Variants in SPATA18 observed in about 807,000 individuals in gnomAD.
The protein encoded by SPATA18 is mitochondria-eating protein.
Under a neutral mutation model 68.1 loss-of-function variants are expected in SPATA18, and 54 were observed. The ratio of observed to expected loss-of-function variants is 0.79; its 90% CI spans 0.64 to 0.99. The LOEUF (loss-of-function observed/expected upper bound fraction) is 0.99. SPATA18 is among the 50% of genes least tolerant of loss of function. SPATA18 has a pLI of 0.00. For missense variants in SPATA18, 724 were observed against 681.1 expected (o/e 1.06, Z -0.70); for synonymous variants, 242 against 244.8 (o/e 0.99, Z 0.11).
chr4:52,061,508 T>C (rs1738850887), intron 3 of SPATA18, among the ~76,000 whole-genome samples: 1 of 149,688 alleles, frequency 6.7e-6, no homozygotes, highest in Non-Finnish European at 1.5e-5. Flanking sequence ...ATAATAATAA[T>C]AATAATAATA....
chr4:52,084,858 C>T, intron 10 of SPATA18, 58 bp from the exon 11 acceptor site: 1 of 1,531,718 alleles, frequency 6.5e-7, no homozygotes, highest in Non-Finnish European at 9.0e-7. Context: ...TTGTTTTGAG[C>T]CATGACAGTT....
At chr4:52,084,818 G>A (rs1033956741) in intron 10 of SPATA18, 98 bp from the exon 11 acceptor site, 1 of 1,188,502 alleles carries the variant, frequency 8.4e-7, no homozygotes, top group Non-Finnish European at 1.2e-6. Context: ...AATCACATAA[G>A]TAAAACTCTT....
intron 1 of SPATA18, among the ~76,000 whole-genome samples, chr4:52,059,669 G>T (rs1486732257): frequency 6.6e-6 from 1 of 152,204 alleles, no homozygotes; most frequent in Non-Finnish European, 1.5e-5. Flanking sequence ...ATCTGTGTAG[G>T]TAAGACTTAT....
At chr4:52,075,512 A>C (rs929050134) in intron 6 of SPATA18, among the ~76,000 whole-genome samples, 1 of 152,194 alleles carries the variant, frequency 6.6e-6, no homozygotes, top group East Asian at 1.9e-4. Flanking sequence ...AGTCTGACTT[A>C]TAAAATGTAT....
chr4:52,072,062 G>A lies in SPATA18; in HGVS notation c.664G>A (p.Asp222Asn). 6.2e-7 allele frequency: 1 copy of A among 1,613,936 alleles called. No homozygotes were observed. The change falls in exon 6 of 13, where the codon GAC becomes AAC. Residue 222 changes from aspartate to asparagine, a missense_variant. Physicochemically the swap from Asp to Asn is conservative, Grantham distance 23. Coordinates refer to ENST00000295213, the MANE Select transcript of SPATA18 (RefSeq NM_145263.4). ...ACTCAAGCAGAATGCAGACCAGCAGGACACAGAAGCCATGTCCGATTATAA... is the reference window on the plus strand; with the variant it reads ...ACTCAAGCAGAATGCAGACCAGCAGAACACAGAAGCCATGTCCGATTATAA... ...NSLKQNADQQ[D>N]TEAMSDYKKQ...
chr4:52,056,910 A>T (rs1317126726), intron 1 of SPATA18, among the ~76,000 whole-genome samples: 2 of 152,002 alleles, frequency 1.3e-5, no homozygotes, highest in Admixed American at 1.3e-4. Context: ...AAAGCCCAAG[A>T]CCCTTAATGT....
chr4:52,085,856 G>A (rs1741381905), intron 11 of SPATA18, among the ~76,000 whole-genome samples: 1 of 152,116 alleles, frequency 6.6e-6, no homozygotes, highest in Admixed American at 6.5e-5. Flanking sequence ...GCTGCAGTTA[G>A]CCGTGATTGT....
intron 4 of SPATA18, among the ~76,000 whole-genome samples, chr4:52,063,449 A>G (rs189243554): frequency 2.0e-5 from 3 of 152,312 alleles, no homozygotes; most frequent in East Asian, 1.9e-4. Context: ...ATCATAATCA[A>G]TGAGCAGTTA....
chr4:52,068,497 G>A (rs1355714109), intron 4 of SPATA18, among the ~76,000 whole-genome samples: 1 of 152,240 alleles, frequency 6.6e-6, no homozygotes, highest in Non-Finnish European at 1.5e-5. Flanking sequence ...GAGAATTGGG[G>A]ATACTATGTG....
intron 1 of SPATA18, among the ~76,000 whole-genome samples, chr4:52,054,690 C>A (rs1052746850): frequency 6.6e-6 from 1 of 151,902 alleles, no homozygotes; most frequent in Non-Finnish European, 1.5e-5. Flanking sequence ...CCAGAACCAG[C>A]CTATGGTCCG....
At chr4:52,084,894 C>G in intron 10 of SPATA18, 22 bp from the exon 11 acceptor site, 4 of 1,612,400 alleles carry the variant, frequency 2.5e-6, no homozygotes, top group Non-Finnish European at 3.4e-6. Flanking sequence ...CTATGTCTCT[C>G]TCTTTCTCTC....
At position 52,051,643 on chromosome 4, in the gene SPATA18, G is replaced by A; in HGVS notation, c.-62G>A. The A allele has an allele frequency of 6.6e-7, 1 of 1,512,766 alleles. No homozygotes were observed. Among genetic ancestry groups the A allele is most frequent in the Non-Finnish European group, 9.2e-7 (1 of 1,087,976 alleles). 93.7% of individuals were successfully genotyped at this position (1,512,766 alleles called of 1,614,324 possible). On this transcript the variant is annotated 5_prime_UTR_variant, in exon 1 of 13. Transcript: ENST00000295213. ...CATATCACCCCACGGTCCTGCGGAG[G>A]CCACCGCCTGGTCCCCCCAAGTCTC...
chr4:52,079,119 A>G (rs1212647621), intron 8 of SPATA18, among the ~76,000 whole-genome samples: 1 of 152,232 alleles, frequency 6.6e-6, no homozygotes, highest in East Asian at 1.9e-4. Flanking sequence ...ATAGGCTGTT[A>G]TGATCAGGAG....
In SPATA18 at chr4:52,084,902, C is replaced by T. The variant is rs1013646473; in HGVS notation, c.1480-14C>T. 8 of 1,613,448 alleles carry T rather than the reference C, an allele frequency of 5.0e-6. No individual in the cohort carries two copies. The highest frequency in any genetic ancestry group is 2.2e-5 in the South Asian group (2 of 91,020). On this transcript the variant is annotated splice_polypyrimidine_tract_variant and intron_variant, in intron 10 of 12. Transcript: ENST00000295213. ...CTCCTGACTATGTCTCTCTCTTTCT[C>T]TCTCTTTTTTAAGTGGAATTCGGTG...
At chr4:52,070,130 C>A (rs757932060) in intron 5 of SPATA18, among the ~76,000 whole-genome samples, 1 of 151,462 alleles carries the variant, frequency 6.6e-6, no homozygotes, top group African/African-American at 2.4e-5. Context: ...CATATAAAAA[C>A]CCTTTCATAA....
intron 3 of SPATA18, among the ~76,000 whole-genome samples, chr4:52,061,736 G>A (rs1489558511): frequency 6.6e-6 from 1 of 151,998 alleles, no homozygotes; most frequent in Admixed American, 6.6e-5. Context: ...AATGTGATAA[G>A]CACACTAAAC....
At chr4:52,092,207 G>A (rs1221817825) in intron 11 of SPATA18, among the ~76,000 whole-genome samples, 2 of 152,102 alleles carry the variant, frequency 1.3e-5, no homozygotes, top group Non-Finnish European at 2.9e-5. Context: ...CCCTTTCCAG[G>A]GAAGTGAACG....
chr4:52,066,567 G>A (rs182404030), intron 4 of SPATA18, among the ~76,000 whole-genome samples: 4 of 152,228 alleles, frequency 2.6e-5, no homozygotes, highest in Non-Finnish European at 4.4e-5. Flanking sequence ...ATAGGTAAAC[G>A]TGTACCATGG....
intron 11 of SPATA18, among the ~76,000 whole-genome samples, chr4:52,088,546 G>C (rs915881851): frequency 6.6e-6 from 1 of 152,108 alleles, no homozygotes; most frequent in Admixed American, 6.5e-5. Flanking sequence ...TAATCATGTG[G>C]TTTTTGTCAT....
Sources: gnomAD v4.1 joint callset for allele counts (sites outside exome capture counted in the v4.1 genomes callset) on GRCh38, gnomAD v4.1.1 for gene constraint, MANE v1.5 for transcripts, NCBI Gene and HGNC (gene_info 2026-07-23, HGNC 2026-07-21) for gene names.